The following CD209 variants were observed in gnomAD, a reference collection of about 807,000 sequenced individuals.
CD209 encodes CD209 molecule.
Under a neutral mutation model 44.7 loss-of-function variants are expected in CD209, and 31 were observed. The observed-to-expected ratio is 0.69, with a 90% CI of 0.52 to 0.94. The LOEUF (loss-of-function observed/expected upper bound fraction) is 0.94. CD209 is among the 40% of genes least tolerant of loss of function. CD209 has a pLI of 0.00. For synonymous variants in CD209, 173 were observed against 181.3 expected (o/e 0.95, Z 0.37); for missense variants, 407 against 452.4 (o/e 0.90, Z 0.91).
intron 3 of CD209, 43 bp downstream of exon 3, chr19:7,746,417 A>G (rs2033825124): frequency 6.3e-7 from 1 of 1,599,288 alleles, no homozygotes; most frequent in Non-Finnish European, 8.6e-7. Context: ...CACAGCCAAA[A>G]GCCAGGCGTG....
rs2033583106 is a variant in CD209, at chr19:7,740,726, G to A, written c.*2313C>T. On this transcript the variant is annotated 3_prime_UTR_variant, in exon 7 of 7. Coordinates refer to ENST00000315599, the MANE Select transcript of CD209 (RefSeq NM_021155.4). ...TCAGAATAAAGAAGGAAAAGGAAGA[G>A]GTGGCTAGAAAACGGCAAGAACAAG... The A allele has an allele frequency of 5.1e-5, 39 of 767,932 alleles. 1 individual carries two copies. The highest frequency in any genetic ancestry group is 5.0e-4 in the South Asian group (37 of 73,608). 47.6% of individuals were successfully genotyped at this position (767,932 alleles called of 1,614,324 possible).
intron 6 of CD209, 58 bp downstream of exon 6, chr19:7,744,049 C>A (rs2033712527): frequency 7.2e-7 from 1 of 1,391,354 alleles, no homozygotes; most frequent in Admixed American, 1.7e-5. Context: ...AGGGAAAGTT[C>A]AAATCAGAGT....
chr19:7,740,805 G>T lies in CD209; in HGVS notation c.*2234C>A, dbSNP rs1284699261. On this transcript the variant is annotated 3_prime_UTR_variant, in exon 7 of 7. Coordinates refer to ENST00000315599, the MANE Select transcript of CD209 (RefSeq NM_021155.4). ...ACAGCAGAGGAAAGAGAGAGAGGAG[G>T]AGGAACAGAAACGACAGAAGAAACA... 2 of 715,738 alleles carry T rather than the reference G, an allele frequency of 2.8e-6. No homozygotes were observed. Among genetic ancestry groups the T allele is most frequent in the East Asian group, 2.7e-5 (1 of 37,166 alleles). The allele number at this position is 715,738 out of a possible 1,614,324, so 44.3% of individuals were successfully genotyped here. A position where few individuals can be genotyped will look rare whatever the true frequency, so the allele number is the denominator to read the frequency against.
chr19:7,742,773 C>T lies in CD209; in HGVS notation c.*266G>A. 1 of 537,664 alleles carries T rather than the reference C, an allele frequency of 1.9e-6. No homozygotes were observed. The allele number at this position is 537,664 out of a possible 1,614,324, so 33.3% of individuals were successfully genotyped here. The stretch of plus-strand genomic sequence containing the variant: ...CAGCTACACATGGCAACCCAAATAT[C>T]CTAATCTCCAAAAGGAAGAGAGAGT... On this transcript the variant is annotated 3_prime_UTR_variant, in exon 7 of 7. Transcript: ENST00000315599.
intron 3 of CD209, 104 bp downstream of exon 3, chr19:7,746,356 T>G: frequency 7.6e-7 from 1 of 1,317,258 alleles, no homozygotes; most frequent in African/African-American, 1.4e-5. Context: ...GGACAACATC[T>G]TGGCTCTCAG....
In CD209 at chr19:7,747,191, C is replaced by A; in HGVS notation, c.106+115G>T. On this transcript the variant is annotated intron_variant, in intron 2 of 6. Coordinates refer to ENST00000315599, the MANE Select transcript of CD209 (RefSeq NM_021155.4). ...CCTCCTCAGGTCCCAGGAGTCCAGG[C>A]CCCTAGCCCCACATCCCCAGGACCC... 3.7e-6 allele frequency: 4 copies of A among 1,068,416 alleles called. No homozygotes were observed. The South Asian group carries it at 4.2e-5, about 11-fold the overall frequency. The allele number at this position is 1,068,416 out of a possible 1,614,324, so 66.2% of individuals were successfully genotyped here.
intron 3 of CD209, 51 bp downstream of exon 3, chr19:7,746,409 C>T (rs772079670): frequency 1.3e-6 from 2 of 1,586,256 alleles, no homozygotes; most frequent in South Asian, 1.1e-5. Context: ...GCTGTGTCCA[C>T]AGCCAAAAGC....
chr19:7,747,444 C>G, intron 1 of CD209, 22 bp downstream of exon 1: 4 of 1,614,236 alleles, frequency 2.5e-6, no homozygotes, highest in Non-Finnish European at 3.4e-6. Flanking sequence ...CCCAGAATCC[C>G]AGCGTCCCAA....
At position 7,742,972 on chromosome 19, in the gene CD209, C is replaced by A; in HGVS notation, c.*67G>T. 1 of 1,264,800 alleles carries A rather than the reference C, an allele frequency of 7.9e-7. No homozygotes were observed. The allele number at this position is 1,264,800 out of a possible 1,614,324, so 78.3% of individuals were successfully genotyped here. ...AGGAAGAATCTGACAAAGAACAGTC[C>A]CAGAGATTTTGTGAAGGTCGAAGGA... is the stretch of plus-strand genomic sequence containing the variant. On this transcript the variant is annotated 3_prime_UTR_variant, in exon 7 of 7. Transcript: ENST00000315599.
intron 6 of CD209, among the ~76,000 whole-genome samples, chr19:7,743,834 G>A (rs1461588688): frequency 2.0e-5 from 3 of 152,142 alleles, no homozygotes; most frequent in Non-Finnish European, 2.9e-5. Context: ...TCCTGAGCTG[G>A]TGGCCTTACT....
rs769960164 is a variant in CD209 at position 7,746,485 on chromosome 19, C to T, written c.153G>A (p.Thr51=). 3.7e-6 allele frequency: 6 copies of T among 1,613,704 alleles called. No individual in the cohort carries two copies. Among genetic ancestry groups the T allele is most frequent in the South Asian group, 2.2e-5 (2 of 91,088 alleles). Residue 51 remains threonine, a synonymous_variant, in exon 3 of 7, where the codon ACG becomes ACA. Coordinates refer to ENST00000315599, the MANE Select transcript of CD209 (RefSeq NM_021155.4). ...CTTGGACAAGGAGCCCAGCCAAGAG[C>T]GTGAAGGAGAGGAGTTGCAGCACCA... ...GPLVLQLLSF[T]LLAGLLVQVS... is the part of the protein sequence containing the mutation.
Position 7,743,043 on chromosome 19 carries a change from G to A in CD209, c.1211C>T (p.Ala404Val), listed in dbSNP as rs370333676. ...TTAAAAGGGGGTGAAGTTCTGCTACGCAGGAGGGGGGTTTGGGGTGGCAGG... is the reference window on the plus strand; with the variant it reads ...TTAAAAGGGGGTGAAGTTCTGCTACACAGGAGGGGGGTTTGGGGTGGCAGG... ...PAPATPNPPP[A>V] Residue 404 changes from alanine (A) to valine (V), a missense_variant, in exon 7 of 7, where the codon GCG becomes GTG. Coordinates refer to ENST00000315599, the MANE Select transcript of CD209 (RefSeq NM_021155.4). The A allele has an allele frequency of 9.9e-5, 159 of 1,606,012 alleles. No individual in the cohort carries two copies. Among genetic ancestry groups the A allele is most frequent in the South Asian group, 3.1e-4 (28 of 90,904 alleles).
rs1163965553 is a variant in CD209 at position 7,745,013 on chromosome 19, G to C, written c.828C>G (p.Asn276Lys). 1 of 1,614,102 alleles carries C rather than the reference G, an allele frequency of 6.2e-7. No individual in the cohort carries two copies. The highest frequency in any genetic ancestry group is 8.5e-7 in the Non-Finnish European group (1 of 1,180,048). The change falls in exon 5 of 7, where the codon AAC becomes AAG. Residue 276 changes from asparagine to lysine, a missense_variant. Physicochemically the swap from Asn to Lys is moderately conservative, Grantham distance 94. Transcript: ENST00000315599. Reference sequence around the variant, plus strand: ...TGCAGGCGGTGATGGAGTCGTGCCAGTTCCGCTGGGAGTTAGACATGAAGT... The same window carrying C: ...TGCAGGCGGTGATGGAGTCGTGCCACTTCCGCTGGGAGTTAGACATGAAGT... ...NCYFMSNSQR[N>K]WHDSITACKE...
In CD209 at chr19:7,742,941, T is replaced by G; in HGVS notation, c.*98A>C. ...AAGGACAGAATGGGACCCAGCCTTC[T>G]AAAGGAGGAAGAATCTGACAAAGAA... On this transcript the variant is annotated 3_prime_UTR_variant, in exon 7 of 7. Coordinates refer to ENST00000315599, the MANE Select transcript of CD209 (RefSeq NM_021155.4). The G allele has an allele frequency of 9.9e-7, 1 of 1,010,152 alleles. No homozygotes were observed. Among genetic ancestry groups the G allele is most frequent in the Non-Finnish European group, 1.5e-6 (1 of 654,098 alleles). The allele number at this position is 1,010,152 out of a possible 1,614,324, so 62.6% of individuals were successfully genotyped here. A position where few individuals can be genotyped will look rare whatever the true frequency, so the allele number is the denominator to read the frequency against.
chr19:7,742,711 G>T lies in CD209; in HGVS notation c.*328C>A. 1 of 331,020 alleles carries T rather than the reference G, an allele frequency of 3.0e-6. No individual in the cohort carries two copies. Among genetic ancestry groups the T allele is most frequent in the Non-Finnish European group, 5.7e-6 (1 of 176,840 alleles). 20.5% of individuals were successfully genotyped at this position (331,020 alleles called of 1,614,324 possible). ...GTAGGTGGAAGTTGAACAGATGGTA[G>T]GTTTGCATGTATAAGATAACGCCCC... On this transcript the variant is annotated 3_prime_UTR_variant, in exon 7 of 7. Transcript: ENST00000315599.
chr19:7,740,608 T>C lies in CD209; in HGVS notation c.*2431A>G, dbSNP rs11465416. 1.3e-3 allele frequency: 1,074 copies of C among 808,934 alleles called. 9 individuals carry two copies. In the African/African-American group the frequency reaches 0.016, roughly 12 times the overall value. 50.1% of individuals were successfully genotyped at this position (808,934 alleles called of 1,614,324 possible). A position where few individuals can be genotyped will look rare whatever the true frequency, so the allele number is the denominator to read the frequency against. ...TCACAGAAAGAGGAGGACACTTTTA[T>C]TGAAAAACAACAACTAGAAAAGCTA... On this transcript the variant is annotated 3_prime_UTR_variant, in exon 7 of 7. Coordinates refer to ENST00000315599, the MANE Select transcript of CD209 (RefSeq NM_021155.4).
Position 7,742,906 on chromosome 19 carries a change from G to A in CD209, c.*133C>T. 1.3e-6 allele frequency: 1 copy of A among 743,434 alleles called. No homozygotes were observed. The highest frequency in any genetic ancestry group is 2.3e-6 in the Non-Finnish European group (1 of 442,532). The allele number at this position is 743,434 out of a possible 1,614,324, so 46.1% of individuals were successfully genotyped here. A position where few individuals can be genotyped will look rare whatever the true frequency, so the allele number is the denominator to read the frequency against. ...AGCTCTACACCAGGGGAAATTGGAG[G>A]CATGACAAGAAGGACAGAATGGGAC... On this transcript the variant is annotated 3_prime_UTR_variant, in exon 7 of 7. Coordinates refer to ENST00000315599, the MANE Select transcript of CD209 (RefSeq NM_021155.4).
At position 7,747,335 on chromosome 19, in the gene CD209, C is replaced by T. The variant is rs372800166; in HGVS notation, c.77G>A (p.Arg26Gln). Residue 26 changes from arginine (R) to glutamine (Q), a missense_variant, in exon 2 of 7, where the codon CGA becomes CAA. Arg to Gln is a conservative substitution (Grantham distance 43). Coordinates refer to ENST00000315599, the MANE Select transcript of CD209 (RefSeq NM_021155.4). Reference sequence around the variant, plus strand: ...TAAGCTCTTGTATCCTCGAGTCTGTCGGAATCCAAGGCCTCTCAGCTGTTC... The same window carrying T: ...TAAGCTCTTGTATCCTCGAGTCTGTTGGAATCCAAGGCCTCTCAGCTGTTC... The part of the protein sequence containing the change: ...EEEQLRGLGF[R>Q]QTRGYKSLAG... The T allele has an allele frequency of 5.6e-5, 91 of 1,614,066 alleles. No individual in the cohort carries two copies. The highest frequency in any genetic ancestry group is 5.7e-5 in the Non-Finnish European group (67 of 1,179,980).
rs1257684901 is a variant in CD209, at chr19:7,746,459, C to G, written c.178+1G>C. The G allele has an allele frequency of 6.2e-7, 1 of 1,613,820 alleles. No homozygotes were observed. The highest frequency in any genetic ancestry group is 1.7e-5 in the Admixed American group (1 of 60,010). On this transcript the variant is annotated splice_donor_variant, in intron 3 of 6. Coordinates refer to ENST00000315599, the MANE Select transcript of CD209 (RefSeq NM_021155.4). LOFTEE classifies it high-confidence loss of function. ...CCAGACCCTCAGAACCTGCCCCTGACCTTGGACAAGGAGCCCAGCCAAGAG... is the reference window on the plus strand; with the variant it reads ...CCAGACCCTCAGAACCTGCCCCTGAGCTTGGACAAGGAGCCCAGCCAAGAG...
Sources: allele counts gnomAD v4.1 joint callset (sites outside exome capture counted in the v4.1 genomes callset), GRCh38; gene constraint gnomAD v4.1.1; transcripts MANE v1.5; gene names NCBI Gene and HGNC (gene_info 2026-07-23, HGNC 2026-07-21).